TMEM131: variants seen among roughly 807,000 people sequenced by gnomAD.
TMEM131 encodes the protein transmembrane protein 131.
TMEM131 carries 66 observed loss-of-function variants against 211.6 expected under a neutral mutation model. That is an observed-to-expected ratio of 0.31 (90% confidence interval 0.26 to 0.38). TMEM131 has a LOEUF of 0.38. TMEM131 is among the 10% of genes least tolerant of loss of function. The pLI is 1.00. For missense variants in TMEM131, 2,036 were observed against 2,299.3 expected (o/e 0.89, Z 2.34); for synonymous variants, 844 against 841.3 (o/e 1.00, Z -0.06).
intron 10 of TMEM131, 48 bp downstream of exon 10, chr2:97,834,573 T>TAAAAA: frequency 7.9e-7 from 1 of 1,271,512 alleles, no homozygotes; most frequent in Non-Finnish European, 1.1e-6. Flanking sequence ...ATACAGGGGT[T>TAAAAA]AAAAAAAAAA....
chr2:97,922,408 T>C (rs1676780498), intron 2 of TMEM131, among the ~76,000 whole-genome samples: 1 of 152,094 alleles, frequency 6.6e-6, no homozygotes. Flanking sequence ...TTTGAACACA[T>C]ATATTATGTT....
At chr2:97,977,613 T>C (rs1053908127) in intron 1 of TMEM131, among the ~76,000 whole-genome samples, 2 of 152,238 alleles carry the variant, frequency 1.3e-5, no homozygotes, top group Admixed American at 6.5e-5. Flanking sequence ...AAGAGCGCAA[T>C]AGCATTGTAT....
In TMEM131 at chr2:97,870,723, T is replaced by A. The variant is rs531751975; in HGVS notation, c.360-11296A>T. ...TTAGCAACTGCCCTGAGGCAGACCT[T>A]ATGAATGACAGTGACACAGCACTCT... On this transcript the variant is annotated intron_variant, in intron 4 of 40. Transcript: ENST00000186436. Among the ~76,000 whole-genome samples, 5 of 152,346 alleles carry A rather than the reference T, an allele frequency of 3.3e-5. No individual in the cohort carries two copies. The East Asian group carries it at 9.6e-4, about 29-fold the overall frequency.
At chr2:97,793,073 C>T (rs1680581291) in intron 30 of TMEM131, 89 bp from the exon 31 acceptor site, 2 of 968,692 alleles carry the variant, frequency 2.1e-6, no homozygotes, top group South Asian at 3.7e-5. Context: ...GTACAGCCAC[C>T]ATAAATATAA....
chr2:97,830,073 T>C (rs1187372788), intron 11 of TMEM131, among the ~76,000 whole-genome samples: 2 of 130,336 alleles, frequency 1.5e-5, no homozygotes, highest in African/African-American at 5.7e-5. Context: ...AACAAAGAAA[T>C]ATTCAACTGA....
intron 31 of TMEM131, among the ~76,000 whole-genome samples, chr2:97,781,465 G>GATTTC (rs1364358058): frequency 6.6e-6 from 1 of 152,210 alleles, no homozygotes; most frequent in Non-Finnish European, 1.5e-5. Flanking sequence ...GTTTTTGTGA[G>GATTTC]ATTAGTACCA....
chr2:97,899,574 G>GT (rs1418376478), intron 3 of TMEM131, among the ~76,000 whole-genome samples: 1 of 152,066 alleles, frequency 6.6e-6, no homozygotes, highest in African/African-American at 2.4e-5. Flanking sequence ...AATAAAAAAT[G>GT]TAACACATTC....
intron 5 of TMEM131, among the ~76,000 whole-genome samples, chr2:97,851,368 G>A (rs1352045985): frequency 1.3e-5 from 2 of 151,942 alleles, no homozygotes; most frequent in African/African-American, 4.8e-5. Context: ...AGTTGCTCAG[G>A]ACAAAATTCT....
At chr2:97,850,976 T>C (rs778859071) in intron 5 of TMEM131, among the ~76,000 whole-genome samples, 1 of 151,440 alleles carries the variant, frequency 6.6e-6, no homozygotes, top group Non-Finnish European at 1.5e-5. Flanking sequence ...TAATTTTTAG[T>C]GCAGTTTTCT....
At chr2:97,842,650 T>C (rs1683252192) in intron 6 of TMEM131, among the ~76,000 whole-genome samples, 1 of 151,846 alleles carries the variant, frequency 6.6e-6, no homozygotes, top group Non-Finnish European at 1.5e-5. Context: ...AGGAGGGAAG[T>C]AAACAGACTG....
chr2:97,972,451 G>C (rs1007704402), intron 1 of TMEM131, among the ~76,000 whole-genome samples: 1 of 147,458 alleles, frequency 6.8e-6, no homozygotes, highest in African/African-American at 2.5e-5. Flanking sequence ...GGGAGGGAGG[G>C]AGGGGAGGGA....
chr2:97,809,920 G>A, intron 18 of TMEM131, 146 bp from the exon 19 acceptor site: 1 of 619,486 alleles, frequency 1.6e-6, no homozygotes, highest in Non-Finnish European at 3.0e-6. Context: ...ATCACCCATA[G>A]ATACTGTTTA....
chr2:97,821,602 A>G (rs920081520), intron 11 of TMEM131, among the ~76,000 whole-genome samples: 1 of 152,176 alleles, frequency 6.6e-6, no homozygotes, highest in African/African-American at 2.4e-5. Context: ...AACTCACTGG[A>G]AGGAAGAAAT....
At position 97,841,850 on chromosome 2, in the gene TMEM131, T is replaced by C. The variant is rs1252670793; in HGVS notation, c.688A>G (p.Ile230Val). The C allele has an allele frequency of 6.3e-7, 1 of 1,597,332 alleles. No individual in the cohort carries two copies. Among genetic ancestry groups the C allele is most frequent in the Admixed American group, 1.7e-5 (1 of 58,164 alleles). Reference protein sequence around the residue: ...VPVNSSFSPIINIHNPHSEPL... With the variant: ...VPVNSSFSPIVNIHNPHSEPL... ...TCACTGTGAGGATTGTGGATGTTTA[T>C]TATAGGTGAGAAACTGCTATTCACA... is the stretch of plus-strand genomic sequence containing the variant. The change falls in exon 7 of 41, where the codon ATA becomes GTA. Residue 230 changes from isoleucine (I) to valine (V), a missense_variant. By Grantham distance (29) the Ile-to-Val change is conservative (BLOSUM62 3). Coordinates refer to ENST00000186436, the MANE Select transcript of TMEM131 (RefSeq NM_015348.2).
At chr2:97,880,830 G>A (rs1424885769) in intron 4 of TMEM131, among the ~76,000 whole-genome samples, 1 of 152,146 alleles carries the variant, frequency 6.6e-6, no homozygotes, top group Non-Finnish European at 1.5e-5. Flanking sequence ...ACCACAATTT[G>A]GGGATACACA....
At chr2:97,871,101 C>A (rs753243764) in intron 4 of TMEM131, among the ~76,000 whole-genome samples, 31 of 152,150 alleles carry the variant, frequency 2.0e-4, no homozygotes, top group Non-Finnish European at 3.7e-4. Context: ...CCTACTTTAA[C>A]CTTCAGATCT....
chr2:97,953,046 C>T (rs551424854), intron 1 of TMEM131, among the ~76,000 whole-genome samples: 1 of 152,216 alleles, frequency 6.6e-6, no homozygotes, highest in South Asian at 2.1e-4. Context: ...AAAGGAGTAT[C>T]TTCAAAAAGA....
chr2:97,934,299 A>C (rs1259081868), intron 1 of TMEM131, among the ~76,000 whole-genome samples: 1 of 152,186 alleles, frequency 6.6e-6, no homozygotes, highest in Non-Finnish European at 1.5e-5. Flanking sequence ...GAAGTACCTC[A>C]GATATAAATC....
chr2:97,837,685 T>C lies in TMEM131; in HGVS notation c.724-528A>G, dbSNP rs142953459. On this transcript the variant is annotated intron_variant, in intron 7 of 40. Transcript: ENST00000186436. Reference sequence around the variant, plus strand: ...TCTACTGGTAGCAAAAATATTTCTGTGGCTTATGCCTAAGCTTACTTTTTT... The same window carrying C: ...TCTACTGGTAGCAAAAATATTTCTGCGGCTTATGCCTAAGCTTACTTTTTT... Among the ~76,000 whole-genome samples the C allele has an allele frequency of 6.2e-3, 951 of 152,344 alleles. 14 individuals are homozygous for C. The highest frequency in any genetic ancestry group is 0.02 in the African/African-American group (829 of 41,574).
Sources: allele counts gnomAD v4.1 joint callset (sites outside exome capture counted in the v4.1 genomes callset), GRCh38; gene constraint gnomAD v4.1.1; transcripts MANE v1.5; gene names NCBI Gene and HGNC (gene_info 2026-07-23, HGNC 2026-07-21).